Variants in PIK3R1 observed in about 807,000 individuals in gnomAD.
The protein encoded by PIK3R1 is phosphatidylinositol 3-kinase regulatory subunit alpha.
In PIK3R1, 29 loss-of-function variants were observed where a neutral mutation model predicts 98.0. The ratio of observed to expected loss-of-function variants is 0.30; its 90% CI spans 0.22 to 0.40. The LOEUF (loss-of-function observed/expected upper bound fraction) is 0.40, where lower values mean the gene tolerates loss of function less well. Ranked by LOEUF, PIK3R1 falls within the 10% of genes least tolerant of loss-of-function variation. The pLI is 1.00. For missense variants in PIK3R1, 596 were observed against 872.7 expected, an observed-to-expected ratio of 0.68 and a Z score of 3.99; for synonymous variants, 282 against 311.8, an observed-to-expected ratio of 0.90 and a Z score of 1.01.
chr5:68,298,431 T>A lies in PIK3R1; in HGVS notation c.*830T>A, dbSNP rs1747848874. 4.3e-6 allele frequency: 1 copy of A among 233,270 alleles called. No homozygotes were observed. 14.5% of individuals were successfully genotyped at this position (233,270 alleles called of 1,614,324 possible). A position where few individuals can be genotyped will look rare whatever the true frequency, so the allele number is the denominator to read the frequency against. ...TATGCAATTCTTAATTTTCATTAAG[T>A]TGTTATTTCAGTTTTAAATGTACCT... On this transcript the variant is annotated 3_prime_UTR_variant, in exon 16 of 16. Coordinates refer to ENST00000521381, the MANE Select transcript of PIK3R1 (RefSeq NM_181523.3).
At chr5:68,224,197 T>C (rs1377811187) in intron 1 of PIK3R1, among the ~76,000 whole-genome samples, 1 of 152,268 alleles carries the variant, frequency 6.6e-6, no homozygotes, top group Non-Finnish European at 1.5e-5. Context: ...TTTAGAGGTC[T>C]CTGTCTCTTT....
rs2112275008 is a variant in PIK3R1, at chr5:68,295,204, G to A, written c.1625G>A (p.Arg542Lys). Residue 542 changes from arginine to lysine, a missense_variant, in exon 13 of 16, where the codon AGA becomes AAA. Physicochemically the swap from Arg to Lys is conservative, Grantham distance 26. Coordinates refer to ENST00000521381, the MANE Select transcript of PIK3R1 (RefSeq NM_181523.3). ...CGAATCAGTGAAATTATTGACAGTA[G>A]AAGAAGATTGGAAGAAGACTTGAAG... ...KSRISEIIDSRRRLEEDLKKQ... is the reference protein window; with the variant it reads ...KSRISEIIDSKRRLEEDLKKQ... The A allele has an allele frequency of 6.2e-7, 1 of 1,613,946 alleles. No individual in the cohort carries two copies. Among genetic ancestry groups the A allele is most frequent in the Non-Finnish European group, 8.5e-7 (1 of 1,179,842 alleles).
chr5:68,296,092 G>C, intron 14 of PIK3R1, 79 bp from the exon 15 acceptor site: 1 of 1,391,338 alleles, frequency 7.2e-7, no homozygotes. Flanking sequence ...AGTGACGGGG[G>C]TATGCCTAGG....
At chr5:68,238,314 G>A (rs570899046) in intron 2 of PIK3R1, among the ~76,000 whole-genome samples, 2 of 152,142 alleles carry the variant, frequency 1.3e-5, no homozygotes, top group Non-Finnish European at 2.9e-5. Flanking sequence ...TCCTTGTTTA[G>A]TGATAAACAG....
At chr5:68,262,386 T>A (rs375722313) in intron 2 of PIK3R1, among the ~76,000 whole-genome samples, 3,597 of 137,708 alleles carry the variant, frequency 0.026, 118 homozygotes, top group African/African-American at 0.076. Context: ...TCTATAATTT[T>A]TATATATATA....
At chr5:68,256,286 A>G (rs529963625) in intron 2 of PIK3R1, among the ~76,000 whole-genome samples, 2 of 152,198 alleles carry the variant, frequency 1.3e-5, no homozygotes, top group Admixed American at 1.3e-4. Flanking sequence ...GTGGAGTGCA[A>G]TGGCGCAGTC....
intron 1 of PIK3R1, among the ~76,000 whole-genome samples, chr5:68,221,244 A>G (rs1233986961): frequency 6.6e-6 from 1 of 152,256 alleles, no homozygotes; most frequent in African/African-American, 2.4e-5. Flanking sequence ...CACAAAATGG[A>G]CTAAGACACT....
chr5:68,294,365 T>C (rs1340337210), intron 11 of PIK3R1, among the ~76,000 whole-genome samples, 171 bp from the exon 12 acceptor site: 1 of 152,240 alleles, frequency 6.6e-6, no homozygotes, highest in Non-Finnish European at 1.5e-5. Context: ...TTTTCATAGA[T>C]TGAGAAAATT....
rs868842118 is a variant in PIK3R1 at position 68,225,000 on chromosome 5, T to C, written c.-386-1290T>C. On this transcript the variant is annotated intron_variant, in intron 1 of 15. Transcript: ENST00000521381. ...TATTTTTTAACTCCTTAAGATGTTGTTGCTGTCCTCACTGCTGGACTGGAA... is the reference window on the plus strand; with the variant it reads ...TATTTTTTAACTCCTTAAGATGTTGCTGCTGTCCTCACTGCTGGACTGGAA... Among the ~76,000 whole-genome samples, 131 of 152,272 alleles carry C rather than the reference T, an allele frequency of 8.6e-4. 4 individuals carry two copies. The highest frequency in any genetic ancestry group is 2.9e-4 in the Non-Finnish European group (20 of 68,048).
At chr5:68,271,119 A>C (rs539941883) in intron 2 of PIK3R1, among the ~76,000 whole-genome samples, 6 of 152,310 alleles carry the variant, frequency 3.9e-5, no homozygotes, top group African/African-American at 1.4e-4. Context: ...ACAGGTTACT[A>C]GCCCATTCCT....
intron 4 of PIK3R1, among the ~76,000 whole-genome samples, chr5:68,277,518 T>C (rs755352255): frequency 4.6e-5 from 7 of 152,250 alleles, no homozygotes; most frequent in Non-Finnish European, 8.8e-5. Flanking sequence ...TGTGTGGTTG[T>C]GTGACTCACT....
rs145423293 is a variant in PIK3R1 at position 68,226,107 on chromosome 5, C to T, written c.-386-183C>T. ...TGCCGACACTCCTCCCCTCTGCCCC[C>T]GCCCGGTGTTCTTAGAAGGCAGGGA... On this transcript the variant is annotated intron_variant, in intron 1 of 15. Coordinates refer to ENST00000521381, the MANE Select transcript of PIK3R1 (RefSeq NM_181523.3). Among the ~76,000 whole-genome samples, 495 of 152,250 alleles carry T rather than the reference C, an allele frequency of 3.3e-3. No individual in the cohort carries two copies. The highest frequency in any genetic ancestry group is 0.011 in the African/African-American group (456 of 41,536).
At chr5:68,219,555 A>G (rs1290743428) in intron 1 of PIK3R1, among the ~76,000 whole-genome samples, 1 of 152,212 alleles carries the variant, frequency 6.6e-6, no homozygotes, top group Non-Finnish European at 1.5e-5. Flanking sequence ...ACACATGTAC[A>G]CATCCCTTGG....
At chr5:68,277,458 C>A (rs1016587343) in intron 4 of PIK3R1, among the ~76,000 whole-genome samples, 18 of 152,184 alleles carry the variant, frequency 1.2e-4, no homozygotes, top group African/African-American at 3.6e-4. Flanking sequence ...TAATTCTTTT[C>A]CTCAAGTTGA....
rs2112270247 is a variant in PIK3R1, at chr5:68,294,676, A to G, written c.1566A>G (p.Gln522=). 1.9e-6 allele frequency: 3 copies of G among 1,601,228 alleles called. No homozygotes were observed. Among genetic ancestry groups the G allele is most frequent in the Non-Finnish European group, 8.5e-7 (1 of 1,175,750 alleles). ...GTGAAGGCAATGAGAAAGAAATACA[A>G]AGGTTGGTGTTTCCCTTGTTCTTGT... ...FKREGNEKEI[Q]RIMHNYDKLK... Residue 522 remains glutamine (Q), a splice_region_variant and synonymous_variant, in exon 12 of 16, where the codon CAA becomes CAG. Transcript: ENST00000521381.
intron 14 of PIK3R1, chr5:68,295,852 C>G (rs1747683659): frequency 2.2e-6 from 1 of 449,714 alleles, no homozygotes; most frequent in Admixed American, 3.8e-5. Context: ...TGGCAATCTG[C>G]CTAGTCAATT....
chr5:68,288,125 T>C (rs1174802874), intron 7 of PIK3R1, among the ~76,000 whole-genome samples: 1 of 152,180 alleles, frequency 6.6e-6, no homozygotes, highest in Non-Finnish European at 1.5e-5. Flanking sequence ...TGGCTGTGCA[T>C]AGTGCCTCGC....
intron 2 of PIK3R1, among the ~76,000 whole-genome samples, chr5:68,231,691 T>A (rs532019719): frequency 6.6e-6 from 1 of 152,372 alleles, no homozygotes; most frequent in South Asian, 2.1e-4. Flanking sequence ...CAAATAGTGC[T>A]TGTGCAAGTA....
chr5:68,223,189 T>G (rs996665337), intron 1 of PIK3R1, among the ~76,000 whole-genome samples: 1 of 151,008 alleles, frequency 6.6e-6, no homozygotes, highest in Admixed American at 6.6e-5. Context: ...TAACCGGAGT[T>G]TTATGTGGAT....
Sources: allele counts gnomAD v4.1 joint callset (sites outside exome capture counted in the v4.1 genomes callset), GRCh38; gene constraint gnomAD v4.1.1; transcripts MANE v1.5; gene names NCBI Gene and HGNC (gene_info 2026-07-23, HGNC 2026-07-21).